Variants in PRCP observed in about 807,000 individuals in gnomAD.
The protein encoded by PRCP is prolylcarboxypeptidase.
Under a neutral mutation model 54.2 loss-of-function variants are expected in PRCP, and 46 were observed. The ratio of observed to expected loss-of-function variants is 0.85; its 90% CI spans 0.67 to 1.09. The LOEUF is 1.09. Ranked by LOEUF, PRCP falls within the 50% of genes least tolerant of loss-of-function variation. PRCP has a pLI of 0.00. For missense variants in PRCP, 613 were observed against 596.8 expected (o/e 1.03, Z -0.28); for synonymous variants, 240 against 212.2 (o/e 1.13, Z -1.14).
chr11:82,892,530 C>G (rs960011818), intron 1 of PRCP, among the ~76,000 whole-genome samples: 15 of 152,034 alleles, frequency 9.9e-5, no homozygotes, highest in South Asian at 2.1e-4. Flanking sequence ...CAACACTTAC[C>G]AAAGCACACT....
chr11:82,884,436 T>C (rs1859821050), intron 1 of PRCP, among the ~76,000 whole-genome samples: 1 of 151,990 alleles, frequency 6.6e-6, no homozygotes, highest in Non-Finnish European at 1.5e-5. Flanking sequence ...GTCATACCTG[T>C]AGTCAAGCTC....
intron 1 of PRCP, among the ~76,000 whole-genome samples, chr11:82,864,410 C>T (rs909852015): frequency 9.2e-5 from 14 of 152,190 alleles, no homozygotes; most frequent in African/African-American, 3.1e-4. Context: ...GTGGGACCCA[C>T]GTGCCACTCC....
At chr11:82,860,841 C>T (rs1055789937) in intron 1 of PRCP, among the ~76,000 whole-genome samples, 1 of 152,046 alleles carries the variant, frequency 6.6e-6, no homozygotes, top group Admixed American at 6.6e-5. Context: ...AGTGAAGTGG[C>T]TGATTGACAT....
At chr11:82,829,797 G>T (rs1421384458) in intron 8 of PRCP, 1 of 152,144 alleles carries the variant, frequency 6.6e-6, no homozygotes, top group East Asian at 1.9e-4. Context: ...AGTTGTCTGT[G>T]GCCTCATACT....
At chr11:82,849,459 G>A in intron 5 of PRCP, among the ~76,000 whole-genome samples, 1 of 152,056 alleles carries the variant, frequency 6.6e-6, no homozygotes, top group East Asian at 1.9e-4. Flanking sequence ...TGAATAAATA[G>A]GAACACTATA....
At position 82,850,104 on chromosome 11, in the gene PRCP, G is replaced by T. The variant is rs549463709; in HGVS notation, c.594-33C>A. The T allele has an allele frequency of 6.5e-5, 72 of 1,114,804 alleles. 1 individual carries two copies. The South Asian group carries it at 2.1e-3, about 33-fold the overall frequency. The allele number at this position is 1,114,804 out of a possible 1,614,324, so 69.1% of individuals were successfully genotyped here. On this transcript the variant is annotated intron_variant, in intron 4 of 8. Transcript: ENST00000313010. The stretch of plus-strand genomic sequence containing the variant: ...GCAAGAAAATCAAAGAAAGAAAAAA[G>T]AAAAGAAAAAATATATATATATATT...
At chr11:82,852,438 T>C (rs2121151067) in intron 3 of PRCP, among the ~76,000 whole-genome samples, 1 of 152,342 alleles carries the variant, frequency 6.6e-6, no homozygotes, top group East Asian at 1.9e-4. Context: ...CACAAACATT[T>C]TTAATGGAAC....
intron 8 of PRCP, among the ~76,000 whole-genome samples, 178 bp downstream of exon 8, chr11:82,838,209 G>A (rs1211485596): frequency 1.3e-5 from 2 of 152,060 alleles, no homozygotes; most frequent in African/African-American, 4.8e-5. Flanking sequence ...ATTGGTAATA[G>A]AGCAAAAAAT....
intron 1 of PRCP, among the ~76,000 whole-genome samples, chr11:82,899,792 T>C (rs1330505500): frequency 6.6e-6 from 1 of 152,254 alleles, no homozygotes; most frequent in Non-Finnish European, 1.5e-5. Flanking sequence ...GCTTTTAGGA[T>C]GGATAACTAT....
chr11:82,883,611 GA>G (rs903053544), intron 1 of PRCP, among the ~76,000 whole-genome samples: 3 of 152,268 alleles, frequency 2.0e-5, no homozygotes, highest in African/African-American at 7.2e-5. Context: ...AGATATCCCG[GA>G]AGGCAGGGGT....
intron 1 of PRCP, among the ~76,000 whole-genome samples, chr11:82,880,577 A>G (rs1324698838): frequency 6.6e-6 from 1 of 152,208 alleles, no homozygotes; most frequent in Non-Finnish European, 1.5e-5. Context: ...TCAGTTGGAA[A>G]TGCAGAAATC....
intron 1 of PRCP, among the ~76,000 whole-genome samples, chr11:82,899,806 A>G (rs983390028): frequency 1.3e-5 from 2 of 152,244 alleles, no homozygotes; most frequent in Non-Finnish European, 2.9e-5. Context: ...TAACTATCCA[A>G]TATTTTCTAA....
At chr11:82,843,778 G>A (rs1858732057) in intron 6 of PRCP, among the ~76,000 whole-genome samples, 2 of 152,312 alleles carry the variant, frequency 1.3e-5, no homozygotes, top group South Asian at 4.1e-4. Context: ...TGATGGCAGG[G>A]CAGGTTCTTT....
intron 6 of PRCP, among the ~76,000 whole-genome samples, chr11:82,841,518 A>T (rs1260166253): frequency 6.6e-6 from 1 of 152,222 alleles, no homozygotes; most frequent in Non-Finnish European, 1.5e-5. Flanking sequence ...CAAATGTAAT[A>T]TGACTTTCCA....
At chr11:82,846,886 C>T (rs1032559897) in intron 6 of PRCP, among the ~76,000 whole-genome samples, 1 of 152,200 alleles carries the variant, frequency 6.6e-6, no homozygotes, top group African/African-American at 2.4e-5. Flanking sequence ...TAACATTCAA[C>T]AGCTATATTT....
intron 1 of PRCP, among the ~76,000 whole-genome samples, chr11:82,890,553 G>A (rs527394066): frequency 4.6e-5 from 7 of 151,998 alleles, no homozygotes; most frequent in South Asian, 2.1e-4. Context: ...GCATACATTC[G>A]ATTATTTCTC....
intron 8 of PRCP, 58 bp from the exon 9 acceptor site, chr11:82,825,180 G>T: frequency 6.8e-7 from 1 of 1,463,398 alleles, no homozygotes; most frequent in Non-Finnish European, 9.3e-7. Flanking sequence ...TTAACACTCA[G>T]ATAAGCTAGA....
At chr11:82,864,985 G>A (rs919088058) in intron 1 of PRCP, among the ~76,000 whole-genome samples, 3 of 152,106 alleles carry the variant, frequency 2.0e-5, no homozygotes, top group Admixed American at 6.5e-5. Flanking sequence ...TGGGAGAGGT[G>A]GGGATGGGAG....
intron 1 of PRCP, among the ~76,000 whole-genome samples, chr11:82,890,294 C>T (rs1279364893): frequency 2.6e-5 from 4 of 152,128 alleles, no homozygotes; most frequent in African/African-American, 9.7e-5. Context: ...CAGCTGATGA[C>T]CTTCCATCTT....
Sources: allele counts gnomAD v4.1 joint callset (sites outside exome capture counted in the v4.1 genomes callset), GRCh38; gene constraint gnomAD v4.1.1; transcripts MANE v1.5; gene names NCBI Gene and HGNC (gene_info 2026-07-23, HGNC 2026-07-21).